The following NR6A1 variants were observed in gnomAD, a reference collection of about 807,000 sequenced individuals.
The protein encoded by NR6A1 is retinoic acid receptor-related testis-associated receptor.
NR6A1 carries 7 observed loss-of-function variants against 59.1 expected under a neutral mutation model. That is an observed-to-expected ratio of 0.12 (90% CI 0.07 to 0.22). The LOEUF (loss-of-function observed/expected upper bound fraction) is 0.22, where lower values mean the gene tolerates loss of function less well. Among genes scored for constraint, NR6A1 ranks in the 10% least tolerant of loss-of-function variants. The pLI, the probability that NR6A1 is intolerant of heterozygous loss-of-function variation, is 1.00. For missense variants in NR6A1, 468 were observed against 611.6 expected (o/e 0.77, Z 2.48); for synonymous variants, 243 against 236.1 (o/e 1.03, Z -0.27).
chr9:124,579,851 A>AAATACAT (rs1379748893), intron 2 of NR6A1, among the ~76,000 whole-genome samples: 1 of 152,098 alleles, frequency 6.6e-6, no homozygotes. Flanking sequence ...CCTCTACTGA[A>AAATACAT]AATACATAAT....
At chr9:124,610,387 T>G (rs1471941113) in intron 2 of NR6A1, among the ~76,000 whole-genome samples, 1 of 152,232 alleles carries the variant, frequency 6.6e-6, no homozygotes, top group Non-Finnish European at 1.5e-5. Context: ...GTTTTGTTTA[T>G]GTGATGAATT....
chr9:124,657,991 T>C (rs1178447493), intron 2 of NR6A1, among the ~76,000 whole-genome samples: 6 of 152,338 alleles, frequency 3.9e-5, no homozygotes, highest in African/African-American at 1.2e-4. Context: ...AGGGTTGGTC[T>C]GGATATGAAG....
intron 7 of NR6A1, among the ~76,000 whole-genome samples, chr9:124,528,640 G>A (rs1833010079): frequency 6.6e-6 from 1 of 151,986 alleles, no homozygotes; most frequent in Non-Finnish European, 1.5e-5. Flanking sequence ...GGTTGAGGCT[G>A]CAGTGAGCTG....
intron 1 of NR6A1, among the ~76,000 whole-genome samples, chr9:124,743,664 T>C (rs893137463): frequency 3.9e-5 from 6 of 152,204 alleles, no homozygotes; most frequent in African/African-American, 1.4e-4. Flanking sequence ...CCCAAGATTA[T>C]GACATTTCAA....
At chr9:124,550,739 C>T (rs1177298624) in intron 3 of NR6A1, among the ~76,000 whole-genome samples, 2 of 151,890 alleles carry the variant, frequency 1.3e-5, no homozygotes, top group Admixed American at 1.3e-4. Context: ...TCTCACTATG[C>T]TGCCCAGGCT....
chr9:124,703,469 A>G (rs945553174), intron 2 of NR6A1, among the ~76,000 whole-genome samples: 1 of 151,040 alleles, frequency 6.6e-6, no homozygotes, highest in East Asian at 2.0e-4. Flanking sequence ...CAGCCTCCCA[A>G]AGTGCTGGTA....
At chr9:124,556,154 A>C (rs1254651175) in intron 2 of NR6A1, among the ~76,000 whole-genome samples, 1 of 152,254 alleles carries the variant, frequency 6.6e-6, no homozygotes, top group Non-Finnish European at 1.5e-5. Flanking sequence ...GGGTATTTGT[A>C]GATGTGATTG....
At chr9:124,760,450 G>C (rs1840757683) in intron 1 of NR6A1, among the ~76,000 whole-genome samples, 1 of 152,170 alleles carries the variant, frequency 6.6e-6, no homozygotes, top group African/African-American at 2.4e-5. Flanking sequence ...CTCCAACATA[G>C]ATAAATGCCC....
chr9:124,542,457 G>C (rs984599154), intron 4 of NR6A1, among the ~76,000 whole-genome samples: 1 of 152,094 alleles, frequency 6.6e-6, no homozygotes, highest in African/African-American at 2.4e-5. Flanking sequence ...AATTTACCCA[G>C]TAAATATCTC....
chr9:124,734,254 C>A (rs977904668), intron 1 of NR6A1, among the ~76,000 whole-genome samples: 2 of 152,204 alleles, frequency 1.3e-5, no homozygotes, highest in African/African-American at 4.8e-5. Flanking sequence ...ACTTGTTCAG[C>A]GTCTGACCAC....
At chr9:124,728,297 G>A (rs1477948876) in intron 2 of NR6A1, among the ~76,000 whole-genome samples, 6 of 151,724 alleles carry the variant, frequency 4.0e-5, no homozygotes, top group Admixed American at 3.9e-4. Context: ...CCAAAATGCT[G>A]GGATTACAGG....
chr9:124,574,589 CA>C (rs1834536533), intron 2 of NR6A1, among the ~76,000 whole-genome samples: 1 of 152,180 alleles, frequency 6.6e-6, no homozygotes, highest in Admixed American at 6.5e-5. Flanking sequence ...GCAACCTGCC[CA>C]AGCCTGCTCC....
chr9:124,671,400 G>C (rs1451982075), intron 2 of NR6A1, among the ~76,000 whole-genome samples: 2 of 152,076 alleles, frequency 1.3e-5, no homozygotes, highest in Admixed American at 1.3e-4. Flanking sequence ...TATCTGATTT[G>C]CAAGGCACCA....
intron 2 of NR6A1, among the ~76,000 whole-genome samples, chr9:124,682,120 G>A (rs1184182091): frequency 2.0e-5 from 3 of 151,912 alleles, no homozygotes; most frequent in Admixed American, 6.6e-5. Context: ...TCAGCCTCCC[G>A]AGTAGCTGGG....
intron 2 of NR6A1, among the ~76,000 whole-genome samples, chr9:124,696,663 C>T (rs1838775076): frequency 6.6e-6 from 1 of 151,564 alleles, no homozygotes. Context: ...GCTGGAACAA[C>T]AGGCACTCAC....
At chr9:124,563,962 T>C (rs1255645984) in intron 2 of NR6A1, among the ~76,000 whole-genome samples, 1 of 152,048 alleles carries the variant, frequency 6.6e-6, no homozygotes, top group Non-Finnish European at 1.5e-5. Context: ...TATATGGTCC[T>C]AGCTACCTGG....
At chr9:124,667,313 G>A (rs1837654434) in intron 2 of NR6A1, among the ~76,000 whole-genome samples, 1 of 151,532 alleles carries the variant, frequency 6.6e-6, no homozygotes. Flanking sequence ...TTACAGGTGT[G>A]AGCCACTGCG....
chr9:124,646,233 A>C (rs1836924336), intron 2 of NR6A1, among the ~76,000 whole-genome samples: 1 of 152,100 alleles, frequency 6.6e-6, no homozygotes, highest in Admixed American at 6.5e-5. Context: ...GCAGAAGAAA[A>C]GAAATAATAA....
At chr9:124,556,391 G>A (rs1019630781) in intron 2 of NR6A1, among the ~76,000 whole-genome samples, 3 of 151,972 alleles carry the variant, frequency 2.0e-5, no homozygotes, top group African/African-American at 7.3e-5. Flanking sequence ...GCAAGGAACC[G>A]ATTCTCCCCT....
Sources: gnomAD v4.1 joint callset for allele counts (sites outside exome capture counted in the v4.1 genomes callset) on GRCh38, gnomAD v4.1.1 for gene constraint, MANE v1.5 for transcripts, NCBI Gene and HGNC (gene_info 2026-07-23, HGNC 2026-07-21) for gene names.